The following NEURL1 variants were observed in gnomAD, a reference collection of about 807,000 sequenced individuals.
NEURL1 encodes E3 ubiquitin-protein ligase NEURL1.
NEURL1 carries 26 observed loss-of-function variants against 41.2 expected under a neutral mutation model. The observed-to-expected ratio is 0.63, with a 90% CI of 0.46 to 0.87. NEURL1 has a LOEUF of 0.87. NEURL1 is among the 40% of genes least tolerant of loss of function. The pLI is 0.00. For missense variants in NEURL1, 761 were observed against 871.1 expected (o/e 0.87, Z 1.59); for synonymous variants, 400 against 402.3 (o/e 0.99, Z 0.07).
At chr10:103,543,935 C>T (rs1187733024) in intron 1 of NEURL1, among the ~76,000 whole-genome samples, 1 of 152,018 alleles carries the variant, frequency 6.6e-6, no homozygotes, top group African/African-American at 2.4e-5. Flanking sequence ...TAGGGGGGGT[C>T]ATGGAAGGTG....
At position 103,508,605 on chromosome 10, in the gene NEURL1, C is replaced by A. The variant is rs1478259398; in HGVS notation, c.85+14133C>A. ...GGGCTTAGCCAGTGCCTGAGAGGGG[C>A]AGAAGGGGTTTTCCCTTTCTGAGGC... On this transcript the variant is annotated intron_variant, in intron 1 of 5. Transcript: ENST00000369780. The surrounding 1 kb of genome is among the most constrained non-coding windows in gnomAD (Gnocchi z 4.3). Among the ~76,000 whole-genome samples the A allele has an allele frequency of 2.0e-5, 3 of 152,150 alleles. No individual in the cohort carries two copies. The highest frequency in any genetic ancestry group is 2.9e-5 in the Non-Finnish European group (2 of 68,030).
rs1466938208 is a variant in NEURL1, at chr10:103,558,301, G to C, written c.86-12571G>C. 1 of 963,828 alleles carries C rather than the reference G, an allele frequency of 1.0e-6. No individual in the cohort carries two copies. The highest frequency in any genetic ancestry group is 1.2e-6 in the Non-Finnish European group (1 of 810,430). The allele number at this position is 963,828 out of a possible 1,614,324, so 59.7% of individuals were successfully genotyped here. A position where few individuals can be genotyped will look rare whatever the true frequency, so the allele number is the denominator to read the frequency against. On this transcript the variant is annotated intron_variant, in intron 1 of 5. Coordinates refer to ENST00000369780, the MANE Select transcript of NEURL1 (RefSeq NM_004210.5). This position sits in a 1 kb window ranked among gnomAD's most constrained non-coding sequence, Gnocchi z 4.2. Reference sequence around the variant, plus strand: ...CCCAGGACTCTGTATGTGTGTCGGGGGTCATCTAATTGTGTGTTTTGTTTG... The same window carrying C: ...CCCAGGACTCTGTATGTGTGTCGGGCGTCATCTAATTGTGTGTTTTGTTTG...
chr10:103,495,163 A>C (rs559139874), intron 1 of NEURL1, among the ~76,000 whole-genome samples: 2 of 152,156 alleles, frequency 1.3e-5, no homozygotes, highest in African/African-American at 4.8e-5. Context: ...CCCTAGGCCC[A>C]GTCTCCCCAT....
At position 103,556,331 on chromosome 10, in the gene NEURL1, C is replaced by T. The variant is rs980058886; in HGVS notation, c.86-14541C>T. The stretch of plus-strand genomic sequence containing the variant: ...GTGTGTCTTCCCTGGGCCCTGGGAA[C>T]TGGGGTCCTTTACAAACCAGCCAGA... On this transcript the variant is annotated intron_variant, in intron 1 of 5. Coordinates refer to ENST00000369780, the MANE Select transcript of NEURL1 (RefSeq NM_004210.5). The surrounding 1 kb of genome is among the most constrained non-coding windows in gnomAD (Gnocchi z 4.4). Among the ~76,000 whole-genome samples, 3 of 152,192 alleles carry T rather than the reference C, an allele frequency of 2.0e-5. No homozygotes were observed. The highest frequency in any genetic ancestry group is 4.4e-5 in the Non-Finnish European group (3 of 68,026).
intron 1 of NEURL1, among the ~76,000 whole-genome samples, chr10:103,557,225 C>T (rs1186738461): frequency 6.6e-6 from 1 of 151,976 alleles, no homozygotes; most frequent in East Asian, 1.9e-4. Context: ...CCCAGGAGTT[C>T]GAGACCAGCC....
chr10:103,570,171 G>A (rs955119657), intron 1 of NEURL1, among the ~76,000 whole-genome samples: 1 of 152,160 alleles, frequency 6.6e-6, no homozygotes, highest in Non-Finnish European at 1.5e-5. Flanking sequence ...CATTCTTCAC[G>A]GTTCTGTTTC....
chr10:103,553,587 C>A (rs976534326), intron 1 of NEURL1, among the ~76,000 whole-genome samples: 2 of 152,194 alleles, frequency 1.3e-5, no homozygotes, highest in Non-Finnish European at 2.9e-5. Flanking sequence ...CTGCTGATGA[C>A]TCTAGGTCAG....
At chr10:103,559,960 G>C (rs117945788) in intron 1 of NEURL1, among the ~76,000 whole-genome samples, 1 of 150,834 alleles carries the variant, frequency 6.6e-6, no homozygotes, top group African/African-American at 2.4e-5. Context: ...GTACATGCAC[G>C]CACATATATA....
chr10:103,585,863 G>A (rs2035913706), intron 4 of NEURL1, among the ~76,000 whole-genome samples: 1 of 150,908 alleles, frequency 6.6e-6, no homozygotes, highest in Admixed American at 6.6e-5. Context: ...GTTTCCCCCA[G>A]CAGTTAACTT....
intron 1 of NEURL1, chr10:103,555,331 G>C (rs773438956): frequency 7.7e-7 from 1 of 1,299,400 alleles, no homozygotes; most frequent in Admixed American, 2.2e-5. Flanking sequence ...GCGACTCGGT[G>C]ACCAGCCGGC....
chr10:103,538,223 TA>T (rs928303989), intron 1 of NEURL1, among the ~76,000 whole-genome samples: 26 of 151,518 alleles, frequency 1.7e-4, no homozygotes, highest in Non-Finnish European at 2.9e-5. Flanking sequence ...GCCTCCTGAG[TA>T]GTTGGGACTA....
chr10:103,496,414 G>A (rs2033686842), intron 1 of NEURL1, among the ~76,000 whole-genome samples: 1 of 152,196 alleles, frequency 6.6e-6, no homozygotes, highest in Non-Finnish European at 1.5e-5. Flanking sequence ...TGTTTAAAAA[G>A]TGGTGTGAAT....
chr10:103,570,055 C>T (rs866458175), intron 1 of NEURL1, among the ~76,000 whole-genome samples: 17 of 152,178 alleles, frequency 1.1e-4, no homozygotes, highest in Admixed American at 5.2e-4. Context: ...GGCCCAATGC[C>T]GAGCTCTTTG....
intron 4 of NEURL1, among the ~76,000 whole-genome samples, chr10:103,586,553 T>C (rs761751897): frequency 9.2e-5 from 14 of 152,198 alleles, no homozygotes; most frequent in African/African-American, 1.2e-4. Flanking sequence ...GATAAGATAA[T>C]GTGTGTAGAT....
intron 1 of NEURL1, among the ~76,000 whole-genome samples, chr10:103,501,621 A>ATTATTATTATTG (rs1554888034): frequency 7.0e-6 from 1 of 143,634 alleles, no homozygotes; most frequent in African/African-American, 2.6e-5. Flanking sequence ...CACTTTATTT[A>ATTATTATTATTG]TTATTATTAT....
chr10:103,512,175 G>C (rs1592184316), intron 1 of NEURL1: 1 of 152,422 alleles, frequency 6.6e-6, no homozygotes, highest in Non-Finnish European at 1.5e-5. Flanking sequence ...AGGGAGGTCA[G>C]AAGTCAGAGG....
Position 103,521,984 on chromosome 10 carries a change from G to A in NEURL1, c.85+27512G>A, listed in dbSNP as rs371337975. Among the ~76,000 whole-genome samples, 16 of 152,182 alleles carry A rather than the reference G, an allele frequency of 1.1e-4. No individual in the cohort carries two copies. In the East Asian group the frequency reaches 2.7e-3, roughly 26 times the overall value. ...GTTTTATAGGATTTGGGTGGGTGGT[G>A]GAATATTACAGTCAAAGGGGGTTTT... is the stretch of plus-strand genomic sequence containing the variant. On this transcript the variant is annotated intron_variant, in intron 1 of 5. Transcript: ENST00000369780.
chr10:103,584,645 C>A lies in NEURL1; in HGVS notation c.759C>A (p.Cys253Ter). 2 of 1,428,574 alleles carry A rather than the reference C, an allele frequency of 1.4e-6. No homozygotes were observed. The highest frequency in any genetic ancestry group is 1.4e-5 in the South Asian group (1 of 70,078). The allele number at this position is 1,428,574 out of a possible 1,614,324, so 88.5% of individuals were successfully genotyped here. A position where few individuals can be genotyped will look rare whatever the true frequency, so the allele number is the denominator to read the frequency against. ...ADDARLSVSL[C>*]DLNVPGADGD... Reference sequence around the variant, plus strand: ...ACGCGCGCCTCTCGGTGAGCCTATGCGACCTCAACGTGCCGGGCGCGGACG... The same window carrying A: ...ACGCGCGCCTCTCGGTGAGCCTATGAGACCTCAACGTGCCGGGCGCGGACG... Residue 253 changes from cysteine to a stop codon, truncating the protein, a stop_gained, in exon 4 of 6, where the codon TGC (cysteine) becomes TGA (stop). Coordinates refer to ENST00000369780, the MANE Select transcript of NEURL1 (RefSeq NM_004210.5). LOFTEE classifies it high-confidence loss of function.
At chr10:103,579,633 T>C (rs2035743431) in intron 3 of NEURL1, among the ~76,000 whole-genome samples, 1 of 152,188 alleles carries the variant, frequency 6.6e-6, no homozygotes, top group Non-Finnish European at 1.5e-5. Context: ...GGTAACTGAA[T>C]TGTATTCAAA....
Sources: gnomAD v4.1 joint callset for allele counts (sites outside exome capture counted in the v4.1 genomes callset) on GRCh38, gnomAD v4.1.1 for gene constraint, Gnocchi (gnomAD v3.1) non-coding constraint, MANE v1.5 for transcripts, NCBI Gene and HGNC (gene_info 2026-07-23, HGNC 2026-07-21) for gene names.